The following C9orf85 variants were observed in gnomAD, a reference collection of about 807,000 sequenced individuals.
C9orf85 encodes the protein chromosome 9 open reading frame 85.
In C9orf85, 16 loss-of-function variants were observed where a neutral mutation model predicts 14.9. The ratio of observed to expected loss-of-function variants is 1.08; its 90% CI spans 0.73 to 1.63. The LOEUF (loss-of-function observed/expected upper bound fraction) is 1.63. Ranked by LOEUF, C9orf85 falls within the 40% of genes most tolerant of loss-of-function variation. The pLI is 0.00. For synonymous variants in C9orf85, 45 were observed against 56.8 expected (o/e 0.79, Z 0.93); for missense variants, 172 against 186.1 (o/e 0.92, Z 0.44).
chr9:71,946,804 C>CA (rs1048543901), intron 1 of C9orf85, among the ~76,000 whole-genome samples: 48 of 132,622 alleles, frequency 3.6e-4, no homozygotes, highest in Non-Finnish European at 5.3e-4. Flanking sequence ...AAAAAAAAAA[C>CA]AAAAAAAAAA....
chr9:71,972,720 C>A lies in C9orf85; in HGVS notation c.352C>A (p.His118Asn), dbSNP rs1822909955. 6.3e-7 allele frequency: 1 copy of A among 1,593,078 alleles called. No homozygotes were observed. The highest frequency in any genetic ancestry group is 8.6e-7 in the Non-Finnish European group (1 of 1,166,018). ...GAATAAAGAAACAGAAAAAATAGAA[C>A]ATACTGAAAATAATCTAAGTTCCAA... ...PLNKETEKIEHTENNLSSNHR... is the reference protein window; with the variant it reads ...PLNKETEKIENTENNLSSNHR... The change falls in exon 4 of 4, where the codon CAT (histidine) becomes AAT (asparagine). Residue 118 changes from histidine to asparagine, a missense_variant. Physicochemically the swap from His to Asn is moderately conservative, Grantham distance 68. Transcript: ENST00000334731.
At chr9:71,970,135 A>G (rs1822820013) in intron 2 of C9orf85, among the ~76,000 whole-genome samples, 1 of 152,028 alleles carries the variant, frequency 6.6e-6, no homozygotes, top group African/African-American at 2.4e-5. Flanking sequence ...ATTAGTAGGG[A>G]CGGGGTTTCA....
chr9:71,981,547 A>G (rs1017254708), intron 3 of C9orf85, among the ~76,000 whole-genome samples: 3 of 152,188 alleles, frequency 2.0e-5, no homozygotes, highest in Admixed American at 6.5e-5. Context: ...CCCCACCTGT[A>G]TGGAGGAGCT....
chr9:71,947,046 GT>G lies in C9orf85; in HGVS notation c.144del (p.Cys48Ter), dbSNP rs1564091864. Reference protein sequence around the residue: ...AKLHDGVCQRCKEVLEWRVKY... With the variant: ...AKLHDGVCQRXKEVLEWRVKY... ...CTTCATGATGGAGTATGTCAGCGCT[GT>G]AAAGAAGTTCTTGAGTGGCGTGTAA... is the stretch of plus-strand genomic sequence containing the variant. On this transcript the variant is annotated frameshift_variant, in exon 2 of 4. Coordinates refer to ENST00000334731, the MANE Select transcript of C9orf85 (RefSeq NM_182505.5). LOFTEE classifies it high-confidence loss of function. The G allele has an allele frequency of 1.9e-6, 3 of 1,613,412 alleles. No individual in the cohort carries two copies. The highest frequency in any genetic ancestry group is 2.5e-6 in the Non-Finnish European group (3 of 1,179,700).
intron 2 of C9orf85, among the ~76,000 whole-genome samples, chr9:71,964,613 T>A (rs533727190): frequency 6.6e-6 from 1 of 151,930 alleles, no homozygotes; most frequent in South Asian, 2.1e-4. Context: ...TCCGAGCACA[T>A]CTGAACATCA....
chr9:71,930,344 A>G (rs146493149), intron 1 of C9orf85, among the ~76,000 whole-genome samples: 3 of 152,264 alleles, frequency 2.0e-5, no homozygotes. Flanking sequence ...GCATATAGCT[A>G]TATTTCCTTT....
At chr9:71,977,833 T>C (rs542071338), downstream of C9orf85, among the ~76,000 whole-genome samples, 6 of 152,306 alleles carry the variant, frequency 3.9e-5, no homozygotes, top group East Asian at 1.2e-3. Flanking sequence ...GCTACACTGA[T>C]GGAATCTAGG....
chr9:71,967,471 A>G lies in C9orf85; in HGVS notation c.210-4034A>G, dbSNP rs143079065. Among the ~76,000 whole-genome samples the G allele has an allele frequency of 2.0e-3, 307 of 152,246 alleles. 1 individual carries two copies. The highest frequency in any genetic ancestry group is 7.2e-3 in the African/African-American group (298 of 41,554). ...TTCTCCAACCTCATTTTTCATTTTC[A>G]TAACTCTTTTGGCTGTTGTAATTTC... is the stretch of plus-strand genomic sequence containing the variant. On this transcript the variant is annotated intron_variant, in intron 2 of 3. Coordinates refer to ENST00000334731, the MANE Select transcript of C9orf85 (RefSeq NM_182505.5).
At chr9:71,980,423 C>A (rs549426829) in intron 3 of C9orf85, among the ~76,000 whole-genome samples, 37 of 151,734 alleles carry the variant, frequency 2.4e-4, no homozygotes, top group African/African-American at 9.0e-4. Context: ...ATGAATTGGC[C>A]CTGGGGAAAT....
At chr9:71,935,657 CTG>C (rs1031244184) in intron 1 of C9orf85, among the ~76,000 whole-genome samples, 5 of 151,320 alleles carry the variant, frequency 3.3e-5, no homozygotes, top group Non-Finnish European at 5.9e-5. Context: ...GACAAATACT[CTG>C]TAATTCCATT....
intron 2 of C9orf85, among the ~76,000 whole-genome samples, chr9:71,968,340 G>A (rs1822756295): frequency 6.7e-6 from 1 of 150,310 alleles, no homozygotes; most frequent in Non-Finnish European, 1.5e-5. Context: ...TTTTCTGGAA[G>A]GATTTGTATA....
At chr9:71,982,067 C>T (rs565112764) in intron 3 of C9orf85, among the ~76,000 whole-genome samples, 125 of 152,282 alleles carry the variant, frequency 8.2e-4, no homozygotes, top group Non-Finnish European at 1.6e-3. Flanking sequence ...CATTCCCACT[C>T]CCCAGCCCCA....
At chr9:71,913,008 C>T (rs544552366) in intron 1 of C9orf85, among the ~76,000 whole-genome samples, 1 of 152,238 alleles carries the variant, frequency 6.6e-6, no homozygotes, top group South Asian at 2.1e-4. Flanking sequence ...TCAGATAAAC[C>T]TAATATTCAC....
chr9:71,916,301 G>A (rs903833339), intron 1 of C9orf85, among the ~76,000 whole-genome samples: 3 of 152,026 alleles, frequency 2.0e-5, no homozygotes, highest in Admixed American at 2.0e-4. Flanking sequence ...TATATAGTCA[G>A]TATTGTTTTT....
intron 2 of C9orf85, among the ~76,000 whole-genome samples, chr9:71,961,973 TG>T (rs563737483): frequency 9.1e-4 from 139 of 152,274 alleles, no homozygotes; most frequent in African/African-American, 3.2e-3. Flanking sequence ...TAGACCAACT[TG>T]GGCAACATAG....
At chr9:71,963,740 C>T (rs1019124418) in intron 2 of C9orf85, among the ~76,000 whole-genome samples, 4 of 152,328 alleles carry the variant, frequency 2.6e-5, no homozygotes, top group African/African-American at 7.2e-5. Flanking sequence ...ACTGGCGCTG[C>T]GCTTGATTTC....
chr9:71,983,655 G>A (rs1430897120), downstream of C9orf85: 1 of 152,208 alleles, frequency 6.6e-6, no homozygotes, highest in African/African-American at 2.4e-5. Context: ...TGTGTGTGCA[G>A]TTGTGATTTC....
intron 2 of C9orf85, among the ~76,000 whole-genome samples, chr9:71,949,280 C>T (rs1822182465): frequency 6.6e-6 from 1 of 152,154 alleles, no homozygotes; most frequent in Non-Finnish European, 1.5e-5. Context: ...AAAAACATTC[C>T]TGCCTTATCC....
At chr9:71,982,959 TG>T (rs1221796492) in exon 4 of C9orf85, 1 of 172,036 alleles carries the variant, frequency 5.8e-6, no homozygotes, top group Non-Finnish European at 1.2e-5. Context: ...TAATGACTCA[TG>T]ATGTTGACTG....
Sources: gnomAD v4.1 joint callset for allele counts (sites outside exome capture counted in the v4.1 genomes callset) on GRCh38, gnomAD v4.1.1 for gene constraint, MANE v1.5 for transcripts, NCBI Gene and HGNC (gene_info 2026-07-23, HGNC 2026-07-21) for gene names.